Variants in REDIC1 observed in about 807,000 individuals in gnomAD.
REDIC1 encodes HEI10 Interacting Protein 1.
chr12:39,834,114 T>A, the REDIC1 span, among the ~76,000 whole-genome samples: 1 of 152,064 alleles, frequency 6.6e-6, no homozygotes, highest in Admixed American at 6.6e-5. Flanking sequence ...TTTCCCTGGG[T>A]GCAATCTTCA....
At chr12:39,803,112 A>G in the REDIC1 span, among the ~76,000 whole-genome samples, 1 of 151,340 alleles carries the variant, frequency 6.6e-6, no homozygotes, top group Admixed American at 6.6e-5. Flanking sequence ...CCTGAAGTAC[A>G]GGGTATAAGG....
the REDIC1 span, among the ~76,000 whole-genome samples, chr12:39,896,169 TATGA>T: frequency 1.3e-5 from 2 of 149,016 alleles, no homozygotes; most frequent in Non-Finnish European, 3.0e-5. Context: ...TGTATACATA[TATGA>T]ATATGTATAT....
chr12:39,772,486 T>A, the REDIC1 span, among the ~76,000 whole-genome samples: 1 of 152,100 alleles, frequency 6.6e-6, no homozygotes, highest in Non-Finnish European at 1.5e-5. Context: ...TGATGAAGCT[T>A]TTACATTTGC....
the REDIC1 span, among the ~76,000 whole-genome samples, chr12:39,905,984 T>C: frequency 2.0e-5 from 3 of 151,904 alleles, no homozygotes; most frequent in Non-Finnish European, 2.9e-5. Flanking sequence ...TGTTTCCCTA[T>C]TGAAATATAA....
chr12:39,687,995 C>G, the REDIC1 span, among the ~76,000 whole-genome samples: 3 of 152,196 alleles, frequency 2.0e-5, no homozygotes, highest in African/African-American at 7.2e-5. Context: ...ATATTTTCAG[C>G]TATACTGTTT....
the REDIC1 span, among the ~76,000 whole-genome samples, chr12:39,653,662 TC>T: frequency 3.3e-5 from 5 of 151,794 alleles, no homozygotes; most frequent in African/African-American, 1.2e-4. Context: ...AATTTTTACT[TC>T]CCTTTCTTGC....
the REDIC1 span, among the ~76,000 whole-genome samples, chr12:39,739,583 C>CA: frequency 2.6e-5 from 4 of 152,196 alleles, no homozygotes; most frequent in African/African-American, 9.6e-5. Flanking sequence ...CTGGGATGCT[C>CA]AAGGAAGACT....
At chr12:39,674,638 A>G in the REDIC1 span, among the ~76,000 whole-genome samples, 5 of 152,180 alleles carry the variant, frequency 3.3e-5, no homozygotes, top group Admixed American at 3.3e-4. Context: ...AATCCAGATC[A>G]TGGGAGAAGG....
At chr12:39,901,068 G>A in the REDIC1 span, among the ~76,000 whole-genome samples, 2 of 152,126 alleles carry the variant, frequency 1.3e-5, no homozygotes, top group African/African-American at 4.8e-5. Context: ...TGACAAACCT[G>A]AGAAAAACAA....
At chr12:39,687,393 TG>T in the REDIC1 span, among the ~76,000 whole-genome samples, 1 of 152,212 alleles carries the variant, frequency 6.6e-6, no homozygotes, top group African/African-American at 2.4e-5. Flanking sequence ...AATTGGCTTC[TG>T]GGGAAGCCTC....
At chr12:39,845,100 A>C in the REDIC1 span, among the ~76,000 whole-genome samples, 1 of 152,078 alleles carries the variant, frequency 6.6e-6, no homozygotes, top group Non-Finnish European at 1.5e-5. Flanking sequence ...GGGTATCACA[A>C]CTTGAAATTT....
At chr12:39,714,073 G>GTATATATGTACA in the REDIC1 span, among the ~76,000 whole-genome samples, 3 of 147,818 alleles carry the variant, frequency 2.0e-5, no homozygotes, top group African/African-American at 7.4e-5. Flanking sequence ...GTGTATATAC[G>GTATATATGTACA]TGTATATACA....
the REDIC1 span, among the ~76,000 whole-genome samples, chr12:39,740,603 T>C: frequency 6.6e-6 from 1 of 152,170 alleles, no homozygotes; most frequent in African/African-American, 2.4e-5. Context: ...CAAGGATAAT[T>C]TGTGATGAAA....
the REDIC1 span, among the ~76,000 whole-genome samples, chr12:39,786,167 T>C: frequency 6.6e-6 from 1 of 152,178 alleles, no homozygotes; most frequent in Admixed American, 6.5e-5. Flanking sequence ...AAATCTCAAC[T>C]TGAGGTATAT....
At chr12:39,777,864 T>C in the REDIC1 span, among the ~76,000 whole-genome samples, 1 of 152,192 alleles carries the variant, frequency 6.6e-6, no homozygotes, top group Non-Finnish European at 1.5e-5. Context: ...CCACGTGTGA[T>C]CTGATTCTTC....
At chr12:39,740,037 A>G in the REDIC1 span, among the ~76,000 whole-genome samples, 4 of 152,250 alleles carry the variant, frequency 2.6e-5, no homozygotes, top group Non-Finnish European at 5.9e-5. Context: ...CACACAGCCA[A>G]CATGGCAGCT....
chr12:39,673,498 G>A, the REDIC1 span, among the ~76,000 whole-genome samples: 1 of 152,178 alleles, frequency 6.6e-6, no homozygotes, highest in African/African-American at 2.4e-5. Flanking sequence ...TCAAAAGCAA[G>A]GCTCTGCATA....
At chr12:39,704,291 C>T in the REDIC1 span, among the ~76,000 whole-genome samples, 1 of 152,138 alleles carries the variant, frequency 6.6e-6, no homozygotes, top group Non-Finnish European at 1.5e-5. Flanking sequence ...CAAAAGAAGA[C>T]ATTTATGCAG....
the REDIC1 span, among the ~76,000 whole-genome samples, chr12:39,691,827 C>T: frequency 1.3e-5 from 2 of 152,016 alleles, no homozygotes; most frequent in Non-Finnish European, 2.9e-5. Flanking sequence ...CATTTCTTGG[C>T]AAGTGTCTAT....
Sources: allele counts gnomAD v4.1 joint callset (sites outside exome capture counted in the v4.1 genomes callset), GRCh38; gene constraint gnomAD v4.1.1; transcripts MANE v1.5; gene names NCBI Gene and HGNC (gene_info 2026-07-23, HGNC 2026-07-21).